Variants in MBP observed in about 807,000 individuals in gnomAD.
MBP encodes the protein myelin basic protein, also known as Golli-MBP.
MBP carries 16 observed loss-of-function variants against 35.8 expected under a neutral mutation model. The observed-to-expected ratio is 0.45, with a 90% CI of 0.30 to 0.68. The LOEUF (loss-of-function observed/expected upper bound fraction) is 0.68. Ranked by LOEUF, MBP falls within the 30% of genes least tolerant of loss-of-function variation. MBP has a pLI of 0.08. For synonymous variants in MBP, 143 were observed against 159.6 expected, an observed-to-expected ratio of 0.90 and a Z score of 0.78; for missense variants, 380 against 404.7, an observed-to-expected ratio of 0.94 and a Z score of 0.52.
intron 2 of MBP, among the ~76,000 whole-genome samples, chr18:77,066,862 C>A (rs2144808971): frequency 6.6e-6 from 1 of 152,328 alleles, no homozygotes; most frequent in Non-Finnish European, 1.5e-5. Context: ...TGTCCGGAGG[C>A]ACTTTTGCAT....
intron 4 of MBP, chr18:77,009,905 G>C (rs371896595): frequency 6.3e-7 from 1 of 1,593,050 alleles, no homozygotes; most frequent in African/African-American, 1.3e-5. Flanking sequence ...AGAGGGCTCC[G>C]GCCCGGCTTT....
rs754202291 is a variant in MBP at position 77,112,167 on chromosome 18, A to ACG, written c.-25-6883_-25-6882dup. On this transcript the variant is annotated intron_variant, in intron 1 of 8. Transcript: ENST00000355994. ...AACCCGTAGAATGAACACCGTGCAC[A>ACG]CGCACACACACACACACACACACGT... Among the ~76,000 whole-genome samples the ACG allele has an allele frequency of 5.6e-3, 460 of 82,314 alleles. 1 individual carries two copies. The highest frequency in any genetic ancestry group is 9.8e-3 in the Non-Finnish European group (302 of 30,740). 54.0% of individuals were successfully genotyped at this position (82,314 alleles called of 152,430 possible).
At chr18:77,038,335 G>A (rs1048333427) in intron 3 of MBP, among the ~76,000 whole-genome samples, 1 of 152,214 alleles carries the variant, frequency 6.6e-6, no homozygotes, top group Non-Finnish European at 1.5e-5. Flanking sequence ...TGGCAGCCCT[G>A]GGTTCCAGGT....
chr18:77,072,777 G>A (rs995073618), intron 2 of MBP, among the ~76,000 whole-genome samples: 10 of 152,218 alleles, frequency 6.6e-5, no homozygotes, highest in African/African-American at 2.2e-4. Flanking sequence ...TACTCAAAGT[G>A]AGATCTTAAG....
chr18:77,046,339 C>A (rs1465013441), intron 3 of MBP, among the ~76,000 whole-genome samples: 2 of 152,176 alleles, frequency 1.3e-5, no homozygotes, highest in African/African-American at 4.8e-5. Context: ...GCTTTAGAAC[C>A]CTGGCCCACT....
intron 3 of MBP, among the ~76,000 whole-genome samples, chr18:77,058,903 A>G (rs1973850879): frequency 6.6e-6 from 1 of 152,186 alleles, no homozygotes; most frequent in Non-Finnish European, 1.5e-5. Context: ...ATTAAAAGAA[A>G]ACACCTCCAC....
intron 3 of MBP, among the ~76,000 whole-genome samples, chr18:77,041,493 G>A (rs1432475263): frequency 6.6e-6 from 1 of 152,068 alleles, no homozygotes; most frequent in Non-Finnish European, 1.5e-5. Context: ...GTTTATTGTG[G>A]CACTATTCAC....
At chr18:77,084,266 G>T (rs936340658) in intron 2 of MBP, among the ~76,000 whole-genome samples, 3 of 152,076 alleles carry the variant, frequency 2.0e-5, no homozygotes, top group African/African-American at 7.2e-5. Context: ...AATCAAAATG[G>T]AGTCACTTAG....
intron 1 of MBP, among the ~76,000 whole-genome samples, chr18:77,130,525 C>G (rs913263274): frequency 3.3e-5 from 5 of 151,918 alleles, no homozygotes; most frequent in African/African-American, 1.2e-4. Flanking sequence ...TCGATAAACA[C>G]TCCCAGGCGA....
intron 3 of MBP, among the ~76,000 whole-genome samples, chr18:77,039,672 G>A (rs1346936968): frequency 1.3e-5 from 2 of 152,198 alleles, no homozygotes; most frequent in Non-Finnish European, 2.9e-5. Context: ...AGCATGAGCA[G>A]CCTGACCTCA....
At chr18:77,004,471 G>T (rs1196154261) in intron 4 of MBP, 1 of 152,146 alleles carries the variant, frequency 6.6e-6, no homozygotes, top group Non-Finnish European at 1.5e-5. Context: ...CCTTTGCCGG[G>T]TTGAAGATTA....
chr18:77,067,479 A>G (rs1974245917), intron 2 of MBP, among the ~76,000 whole-genome samples: 1 of 152,174 alleles, frequency 6.6e-6, no homozygotes. Context: ...AGGCTCCACA[A>G]CCACCATCCA....
At chr18:77,035,877 C>A (rs1972745221) in intron 3 of MBP, among the ~76,000 whole-genome samples, 1 of 152,138 alleles carries the variant, frequency 6.6e-6, no homozygotes, top group African/African-American at 2.4e-5. Flanking sequence ...GACTTTAAAG[C>A]TTTTTTGGGT....
At chr18:77,042,160 C>T (rs185924108) in intron 3 of MBP, among the ~76,000 whole-genome samples, 7 of 152,290 alleles carry the variant, frequency 4.6e-5, no homozygotes, top group Non-Finnish European at 8.8e-5. Context: ...AGTTTTGCTG[C>T]TGAATACATG....
intron 4 of MBP, chr18:77,014,677 A>G (rs2123446668): frequency 1.0e-6 from 1 of 985,436 alleles, no homozygotes; most frequent in African/African-American, 1.7e-5. Flanking sequence ...GAGAGAGTTA[A>G]GCTTTCATCT....
chr18:77,119,090 TG>T (rs1976806677), intron 1 of MBP, among the ~76,000 whole-genome samples: 1 of 152,142 alleles, frequency 6.6e-6, no homozygotes, highest in African/African-American at 2.4e-5. Context: ...AGACCACAGT[TG>T]GTCCCACAGG....
intron 4 of MBP, chr18:77,013,723 A>C: frequency 1.0e-6 from 1 of 985,466 alleles, no homozygotes; most frequent in Non-Finnish European, 1.2e-6. Context: ...TAGCTTTCGA[A>C]AACCTCCCTA....
chr18:77,069,126 G>T, intron 2 of MBP: 1 of 454,050 alleles, frequency 2.2e-6, no homozygotes, highest in Non-Finnish European at 4.4e-6. Context: ...GTGAGAACAA[G>T]AACAGTGCCT....
rs932567415 is a variant in MBP at position 77,020,057 on chromosome 18, C to G, written c.140-2789G>C. Among the ~76,000 whole-genome samples the G allele has an allele frequency of 1.3e-5, 2 of 152,054 alleles. No individual in the cohort carries two copies. Among genetic ancestry groups the G allele is most frequent in the Non-Finnish European group, 2.9e-5 (2 of 67,992 alleles). On this transcript the variant is annotated intron_variant, in intron 3 of 8. Transcript: ENST00000355994. The surrounding 1 kb of genome is among the most constrained non-coding windows in gnomAD (Gnocchi z 4.1). The stretch of plus-strand genomic sequence containing the variant: ...AGCAGGCAGCTATGTGGCGAGAAGA[C>G]AGGGCTTGGTTTGGGGAGCAGCGGG...
Sources: gnomAD v4.1 joint callset for allele counts (sites outside exome capture counted in the v4.1 genomes callset) on GRCh38, gnomAD v4.1.1 for gene constraint, Gnocchi (gnomAD v3.1) non-coding constraint, MANE v1.5 for transcripts, NCBI Gene and HGNC (gene_info 2026-07-23, HGNC 2026-07-21) for gene names.